The following PRSS27 variants were observed in gnomAD, a reference collection of about 807,000 sequenced individuals.
PRSS27 encodes serine protease 27, also known as channel-activating protease 2.
Under a neutral mutation model 32.0 loss-of-function variants are expected in PRSS27, and 25 were observed. The ratio of observed to expected loss-of-function variants is 0.78; its 90% CI spans 0.57 to 1.09. The LOEUF (loss-of-function observed/expected upper bound fraction) is 1.09. PRSS27 is among the 50% of genes least tolerant of loss of function. The pLI is 0.00. For synonymous variants in PRSS27, 178 were observed against 172.2 expected, an observed-to-expected ratio of 1.03 and a Z score of -0.26; for missense variants, 401 against 394.9, an observed-to-expected ratio of 1.02 and a Z score of -0.13.
chr16:2,719,877 T>C (rs1162225311), intron 1 of PRSS27, among the ~76,000 whole-genome samples: 4 of 152,098 alleles, frequency 2.6e-5, no homozygotes, highest in Non-Finnish European at 5.9e-5. Flanking sequence ...TGCTGCCCAG[T>C]TATGCCGGTG....
Position 2,714,904 on chromosome 16 carries a change from T to A in PRSS27, c.237-568A>T, listed in dbSNP as rs2067691413. On this transcript the variant is annotated intron_variant, in intron 3 of 5. Coordinates refer to ENST00000302641, the MANE Select transcript of PRSS27 (RefSeq NM_031948.5). The surrounding 1 kb of genome is among the most constrained non-coding windows in gnomAD (Gnocchi z 4.7). ...CAGGCACCACTGCACCTGGGGTTTT[T>A]TTGTTTGTTTGTTTTTTGTTTTTTA... is the stretch of plus-strand genomic sequence containing the variant. 1 of 154,168 alleles carries A rather than the reference T, an allele frequency of 6.5e-6. No homozygotes were observed. The highest frequency in any genetic ancestry group is 1.4e-5 in the Non-Finnish European group (1 of 69,516). The allele number at this position is 154,168 out of a possible 1,614,324, so 9.6% of individuals were successfully genotyped here. A position where few individuals can be genotyped will look rare whatever the true frequency, so the allele number is the denominator to read the frequency against.
chr16:2,715,674 G>GA (rs1567200314), intron 3 of PRSS27, 44 bp downstream of exon 3: 1 of 1,502,358 alleles, frequency 6.7e-7, no homozygotes, highest in Admixed American at 2.0e-5. Context: ...CGCGCGCGGG[G>GA]CGCTGTCAGC....
At chr16:2,715,507 C>CA in intron 3 of PRSS27, 1 of 510,132 alleles carries the variant, frequency 2.0e-6, no homozygotes, top group Non-Finnish European at 3.5e-6. Context: ...CGGTGCGAGG[C>CA]ACCTCCCGCG....
At chr16:2,719,311 C>T (rs2067720922) in intron 1 of PRSS27, among the ~76,000 whole-genome samples, 1 of 152,188 alleles carries the variant, frequency 6.6e-6, no homozygotes, top group Non-Finnish European at 1.5e-5. Context: ...GCCACTGGTG[C>T]CCTCCCACCC....
chr16:2,713,323 C>G (rs771726394), intron 5 of PRSS27: 5 of 613,600 alleles, frequency 8.1e-6, no homozygotes, highest in Non-Finnish European at 1.2e-5. Context: ...TGGTCTCCAT[C>G]TCCTGACCTT....
rs1398817222 is a variant in PRSS27, at chr16:2,713,681, G to A, written c.526C>T (p.Arg176Trp). 12 of 1,614,094 alleles carry A rather than the reference G, an allele frequency of 7.4e-6. No homozygotes were observed. Among genetic ancestry groups the A allele is most frequent in the African/African-American group, 4.0e-5 (3 of 74,936 alleles). Residue 176 changes from arginine (R) to tryptophan (W), a missense_variant, in exon 5 of 6, where the codon CGG (arginine) becomes TGG (tryptophan). Physicochemically the swap from Arg to Trp is moderately radical, Grantham distance 101 (BLOSUM62 -3). Coordinates refer to ENST00000302641, the MANE Select transcript of PRSS27 (RefSeq NM_031948.5). ...PSEEDLLPEP[R>W]ILQKLAVPII... ...GGCACAGCGAGTTTCTGCAGGATCC[G>A]CGGTTCGGGCAGGAGGTCTGGAGAG...
At chr16:2,716,927 C>T (rs970030592) in intron 1 of PRSS27, 9 of 244,428 alleles carry the variant, frequency 3.7e-5, no homozygotes, top group Non-Finnish European at 6.6e-5. Flanking sequence ...TAAGGTTGGC[C>T]TTTCCTCCCG....
chr16:2,712,691 G>A lies in PRSS27; in HGVS notation c.802C>T (p.His268Tyr), dbSNP rs1407467529. The A allele has an allele frequency of 6.3e-7, 1 of 1,598,868 alleles. No homozygotes were observed. The highest frequency in any genetic ancestry group is 1.3e-5 in the African/African-American group (1 of 74,668). Residue 268 changes from histidine to tyrosine, a missense_variant, in exon 6 of 6, where the codon CAC becomes TAC. Physicochemically the swap from His to Tyr is moderately conservative, Grantham distance 83. Transcript: ENST00000302641. The surrounding 1 kb of genome is among the most constrained non-coding windows in gnomAD (Gnocchi z 4.6). ...RPGVYIRVTAHHNWIHRIIPK... is the reference protein window; with the variant it reads ...RPGVYIRVTAYHNWIHRIIPK... ...ATGATCCGATGGATCCAGTTGTGGTGGGCGGTGACACGGATGTAGACACCT... is the reference window on the plus strand; with the variant it reads ...ATGATCCGATGGATCCAGTTGTGGTAGGCGGTGACACGGATGTAGACACCT...
chr16:2,713,656 G>C lies in PRSS27; in HGVS notation c.551C>G (p.Pro184Arg). Reference protein sequence around the residue: ...EPRILQKLAVPIIDTPKCNLL... With the variant: ...EPRILQKLAVRIIDTPKCNLL... Reference sequence around the variant, plus strand: ...GTTGCACTTGGGTGTGTCGATGATGGGCACAGCGAGTTTCTGCAGGATCCG... The same window carrying C: ...GTTGCACTTGGGTGTGTCGATGATGCGCACAGCGAGTTTCTGCAGGATCCG... The change falls in exon 5 of 6, where the codon CCC becomes CGC. Residue 184 changes from proline to arginine, a missense_variant. Physicochemically the swap from Pro to Arg is moderately radical, Grantham distance 103 (BLOSUM62 -2). Coordinates refer to ENST00000302641, the MANE Select transcript of PRSS27 (RefSeq NM_031948.5). The C allele has an allele frequency of 6.2e-7, 1 of 1,614,212 alleles. No individual in the cohort carries two copies. Among genetic ancestry groups the C allele is most frequent in the African/African-American group, 1.3e-5 (1 of 75,046 alleles).
rs750931573 is a variant in PRSS27 at position 2,720,201 on chromosome 16, T to C, written c.-41A>G. On this transcript the variant is annotated 5_prime_UTR_variant, in exon 1 of 6. Coordinates refer to ENST00000302641, the MANE Select transcript of PRSS27 (RefSeq NM_031948.5). The stretch of plus-strand genomic sequence containing the variant: ...TGGGGCGCAGGGCCGTGGTCGGCGG[T>C]GGCAGAAGCGTTGGAGCACGAGCGA... The C allele has an allele frequency of 2.6e-6, 4 of 1,555,894 alleles. No individual in the cohort carries two copies. Among genetic ancestry groups the C allele is most frequent in the East Asian group, 4.7e-5 (2 of 42,284 alleles).
chr16:2,713,375 G>A (rs542593241), intron 5 of PRSS27, 154 bp downstream of exon 5: 15 of 794,422 alleles, frequency 1.9e-5, no homozygotes, highest in Admixed American at 3.9e-5. Context: ...TGGGATTACA[G>A]GCGTGAGCCA....
At chr16:2,713,159 C>A (rs188131229) in intron 5 of PRSS27, 8 of 468,446 alleles carry the variant, frequency 1.7e-5, no homozygotes, top group Non-Finnish European at 1.6e-5. Context: ...AGTGCACTGG[C>A]GCGATCTCGG....
At position 2,712,823 on chromosome 16, in the gene PRSS27, G is replaced by A. The variant is rs1469953401; in HGVS notation, c.679-9C>T. On this transcript the variant is annotated splice_polypyrimidine_tract_variant and intron_variant, in intron 5 of 5. Transcript: ENST00000302641. This position sits in a 1 kb window ranked among gnomAD's most constrained non-coding sequence, Gnocchi z 4.6. ...GGGCCGCCCGAGTCGCCCTGCGGGG[G>A]ACGCAGAGTCACCGTCAGAGCCCAC... is the stretch of plus-strand genomic sequence containing the variant. 1 of 1,533,988 alleles carries A rather than the reference G, an allele frequency of 6.5e-7. No individual in the cohort carries two copies. The highest frequency in any genetic ancestry group is 8.8e-7 in the Non-Finnish European group (1 of 1,137,866).
intron 3 of PRSS27, 96 bp downstream of exon 3, chr16:2,715,622 A>G: frequency 9.9e-7 from 1 of 1,013,854 alleles, no homozygotes; most frequent in East Asian, 3.1e-5. Flanking sequence ...GGTCACCCGC[A>G]GGATTTGGCG....
chr16:2,716,540 G>A lies in PRSS27; in HGVS notation c.47-14C>T. On this transcript the variant is annotated splice_polypyrimidine_tract_variant and intron_variant, in intron 1 of 5. Coordinates refer to ENST00000302641, the MANE Select transcript of PRSS27 (RefSeq NM_031948.5). Reference sequence around the variant, plus strand: ...CCCTCTGAGACCCTGGAAGTGAGGAGAGGGTGATCAGCCAGGCCAGCTGCA... The same window carrying A: ...CCCTCTGAGACCCTGGAAGTGAGGAAAGGGTGATCAGCCAGGCCAGCTGCA... The A allele has an allele frequency of 6.3e-7, 1 of 1,597,424 alleles. No individual in the cohort carries two copies. The highest frequency in any genetic ancestry group is 8.5e-7 in the Non-Finnish European group (1 of 1,175,584).
chr16:2,718,330 T>G (rs1351520646), intron 1 of PRSS27: 1 of 151,014 alleles, frequency 6.6e-6, no homozygotes, highest in Admixed American at 6.6e-5. Context: ...TTTTTTTTTT[T>G]TTTTTAAGAT....
chr16:2,716,219 A>C, intron 2 of PRSS27: 6 of 574,310 alleles, frequency 1.0e-5, no homozygotes, highest in Non-Finnish European at 1.9e-5. Flanking sequence ...GCCCTCTGCA[A>C]GGGAGCCACC....
chr16:2,719,114 G>C (rs1328340758), intron 1 of PRSS27, among the ~76,000 whole-genome samples: 3 of 152,202 alleles, frequency 2.0e-5, no homozygotes, highest in Non-Finnish European at 4.4e-5. Flanking sequence ...CCAGCCTCTG[G>C]TCACAGCTGT....
At chr16:2,716,651 G>A in intron 1 of PRSS27, 125 bp from the exon 2 acceptor site, 1 of 950,374 alleles carries the variant, frequency 1.1e-6, no homozygotes, top group Non-Finnish European at 1.6e-6. Context: ...GTCCACAGAG[G>A]GACCTCACCG....
Sources: allele counts gnomAD v4.1 joint callset (sites outside exome capture counted in the v4.1 genomes callset), GRCh38; gene constraint gnomAD v4.1.1; non-coding constraint Gnocchi (gnomAD v3.1); transcripts MANE v1.5; gene names NCBI Gene and HGNC (gene_info 2026-07-23, HGNC 2026-07-21).